The following CFAP251 variants were observed in gnomAD, a reference collection of about 807,000 sequenced individuals.
The protein encoded by CFAP251 is cilia and flagella associated protein 251, also known as cilia- and flagella-associated protein 251.
CFAP251 carries 93 observed loss-of-function variants against 126.7 expected under a neutral mutation model. The ratio of observed to expected loss-of-function variants is 0.73; its 90% confidence interval spans 0.62 to 0.87. CFAP251 has a LOEUF of 0.87. Among genes scored for constraint, CFAP251 ranks in the 40% least tolerant of loss-of-function variants. The probability of loss-of-function intolerance (pLI) is 0.00; values close to 1 mark genes in which losing one functional copy is unlikely to be tolerated. For missense variants in CFAP251, 1,287 were observed against 1,389.2 expected (o/e 0.93, Z 1.17); for synonymous variants, 503 against 506.9 (o/e 0.99, Z 0.10).
chr12:121,962,097 C>T lies in CFAP251; in HGVS notation c.2427C>T (p.Leu809=). 2 of 1,614,044 alleles carry T rather than the reference C, an allele frequency of 1.2e-6. No homozygotes were observed. Among genetic ancestry groups the T allele is most frequent in the Non-Finnish European group, 1.7e-6 (2 of 1,180,026 alleles). Residue 809 remains leucine, a synonymous_variant, in exon 15 of 22, where the codon CTC becomes CTT. Coordinates refer to ENST00000288912, the MANE Select transcript of CFAP251 (RefSeq NM_144668.6). Reference sequence around the variant, plus strand: ...GGTACCCACCACTCACCAGGGAACTCTTCCTGCTTATTTGCAACAGTGGCT... The same window carrying T: ...GGTACCCACCACTCACCAGGGAACTTTTCCTGCTTATTTGCAACAGTGGCT... The part of the protein sequence containing the change: ...MVWYPPLTRE[L]FLLICNSGYK...
intron 17 of CFAP251, 103 bp downstream of exon 17, chr12:121,968,272 A>G: frequency 1.7e-6 from 2 of 1,195,982 alleles, no homozygotes; most frequent in Admixed American, 2.7e-5. Context: ...CTGTGCTAGG[A>G]TGTCACAGGG....
intron 16 of CFAP251, 101 bp downstream of exon 16, chr12:121,967,170 G>A: frequency 8.8e-7 from 1 of 1,136,370 alleles, no homozygotes; most frequent in South Asian, 1.3e-5. Context: ...TGGGTTTACA[G>A]CCAAGCCCAA....
chr12:121,998,926 G>T (rs1422224611), intron 19 of CFAP251: 1 of 146,586 alleles, frequency 6.8e-6, no homozygotes, highest in Non-Finnish European at 1.5e-5. Flanking sequence ...AAAGGGGGAA[G>T]TGGTGAGAGT....
intron 19 of CFAP251, among the ~76,000 whole-genome samples, chr12:121,981,452 T>A (rs953981627): frequency 6.6e-6 from 1 of 152,070 alleles, no homozygotes; most frequent in African/African-American, 2.4e-5. Flanking sequence ...CACCCCACAC[T>A]CCTGCATATC....
intron 5 of CFAP251, 21 bp from the exon 6 acceptor site, chr12:121,942,513 C>A: frequency 6.3e-7 from 1 of 1,586,078 alleles, no homozygotes; most frequent in Non-Finnish European, 8.6e-7. Flanking sequence ...CAAGTGTCGC[C>A]CCCCTTGTCC....
At chr12:121,991,950 G>A (rs1308889731) in intron 19 of CFAP251, among the ~76,000 whole-genome samples, 1 of 152,092 alleles carries the variant, frequency 6.6e-6, no homozygotes, top group Non-Finnish European at 1.5e-5. Context: ...CCGAGATCAC[G>A]CCACTGGACT....
rs926491825 is a variant in CFAP251 at position 121,989,834 on chromosome 12, C to T, written c.3007-9882C>T. On this transcript the variant is annotated intron_variant, in intron 19 of 21. Coordinates refer to ENST00000288912, the MANE Select transcript of CFAP251 (RefSeq NM_144668.6). The surrounding 1 kb of genome is among the most constrained non-coding windows in gnomAD (Gnocchi z 4.2). ...AGGAATGGCCCCAGTTCAAATATAT[C>T]GTGTTCCTCTCCATTTAATAGGGAG... Among the ~76,000 whole-genome samples the T allele has an allele frequency of 3.9e-5, 6 of 152,260 alleles. No individual in the cohort carries two copies. Among genetic ancestry groups the T allele is most frequent in the East Asian group, 1.9e-4 (1 of 5,190 alleles).
intron 17 of CFAP251, chr12:121,969,268 C>T (rs1471377738): frequency 5.1e-6 from 5 of 985,302 alleles, no homozygotes; most frequent in Non-Finnish European, 6.0e-6. Flanking sequence ...TTTGGAACCA[C>T]GGTGGTTTGA....
At chr12:121,990,194 C>A (rs908619081) in intron 19 of CFAP251, among the ~76,000 whole-genome samples, 9 of 152,222 alleles carry the variant, frequency 5.9e-5, no homozygotes, top group African/African-American at 2.2e-4. Context: ...GCATGCAGGG[C>A]CAAGCCAAGC....
intron 19 of CFAP251, 119 bp downstream of exon 19, chr12:121,975,804 G>C (rs1882442867): frequency 8.9e-7 from 1 of 1,120,698 alleles, no homozygotes; most frequent in African/African-American, 1.6e-5. Context: ...AAATGGATCA[G>C]AAAGATGGTT....
chr12:121,945,357 T>C (rs534333581), intron 7 of CFAP251, among the ~76,000 whole-genome samples: 30 of 148,078 alleles, frequency 2.0e-4, no homozygotes, highest in African/African-American at 6.6e-4. Context: ...CTTTTCTTTT[T>C]TTTTGAGATG....
chr12:121,950,552 A>G (rs1881483032), intron 8 of CFAP251: 1 of 152,132 alleles, frequency 6.6e-6, no homozygotes, highest in Non-Finnish European at 1.5e-5. Flanking sequence ...GATATTTATT[A>G]TAGCTTTATT....
intron 5 of CFAP251, among the ~76,000 whole-genome samples, chr12:121,934,889 CA>C (rs1880830990): frequency 6.6e-6 from 1 of 152,234 alleles, no homozygotes; most frequent in African/African-American, 2.4e-5. Flanking sequence ...TCATTGCAGC[CA>C]TGAACTCCCA....
In CFAP251 at chr12:121,974,700, T is replaced by C. The variant is rs564429606; in HGVS notation, c.2772-544T>C. 6.6e-6 allele frequency among the ~76,000 whole-genome samples: 1 copy of C among 152,330 alleles called. No homozygotes were observed. Among genetic ancestry groups the C allele is most frequent in the East Asian group, 1.9e-4 (1 of 5,190 alleles). The stretch of plus-strand genomic sequence containing the variant: ...GGTCTCATACAAAAGTAGGTTTTCT[T>C]ACCATTGAAAGGGCCTATTTTTGGA... On this transcript the variant is annotated intron_variant, in intron 17 of 21. Coordinates refer to ENST00000288912, the MANE Select transcript of CFAP251 (RefSeq NM_144668.6). This position sits in a 1 kb window ranked among gnomAD's most constrained non-coding sequence, Gnocchi z 4.6.
chr12:121,931,287 T>C (rs939669220), intron 3 of CFAP251, among the ~76,000 whole-genome samples: 1 of 152,202 alleles, frequency 6.6e-6, no homozygotes, highest in Non-Finnish European at 1.5e-5. Context: ...AAATTTTTTT[T>C]TAAATTGTGG....
intron 16 of CFAP251, among the ~76,000 whole-genome samples, 160 bp from the exon 17 acceptor site, chr12:121,967,846 G>A (rs957838320): frequency 6.6e-6 from 1 of 152,210 alleles, no homozygotes; most frequent in South Asian, 2.1e-4. Flanking sequence ...TGGTGTGTGT[G>A]GATGCCCAGC....
chr12:121,958,921 G>A (rs778855810), intron 12 of CFAP251, 22 bp from the exon 13 acceptor site: 4 of 1,566,058 alleles, frequency 2.6e-6, no homozygotes, highest in Admixed American at 2.0e-5. Context: ...CTTTTCCATC[G>A]TTCTCTGGCT....
chr12:122,000,657 G>A (rs935445461), intron 20 of CFAP251, among the ~76,000 whole-genome samples: 3 of 152,090 alleles, frequency 2.0e-5, no homozygotes, highest in African/African-American at 7.2e-5. Flanking sequence ...TACCTACTAT[G>A]TTTCTCATTA....
At position 121,974,184 on chromosome 12, in the gene CFAP251, T is replaced by G; in HGVS notation, c.2772-1060T>G. On this transcript the variant is annotated intron_variant, in intron 17 of 21. Transcript: ENST00000288912. The surrounding 1 kb of genome is among the most constrained non-coding windows in gnomAD (Gnocchi z 4.6). Reference sequence around the variant, plus strand: ...TTTGATAAGGGGAAACCTGATTCACTTGGTCTCTCATTCTCTCTCTTGCCA... The same window carrying G: ...TTTGATAAGGGGAAACCTGATTCACGTGGTCTCTCATTCTCTCTCTTGCCA... Among the ~76,000 whole-genome samples, 1 of 152,172 alleles carries G rather than the reference T, an allele frequency of 6.6e-6. No individual in the cohort carries two copies. Among genetic ancestry groups the G allele is most frequent in the Non-Finnish European group, 1.5e-5 (1 of 68,034 alleles).
Sources: allele counts gnomAD v4.1 joint callset (sites outside exome capture counted in the v4.1 genomes callset), GRCh38; gene constraint gnomAD v4.1.1; non-coding constraint Gnocchi (gnomAD v3.1); transcripts MANE v1.5; gene names NCBI Gene and HGNC (gene_info 2026-07-23, HGNC 2026-07-21).